PAOX: variants seen among roughly 807,000 people sequenced by gnomAD.
PAOX encodes polyamine oxidase.
In PAOX, 38 loss-of-function variants were observed where a neutral mutation model predicts 39.0. The observed-to-expected ratio is 0.97, with a 90% CI of 0.75 to 1.28. The LOEUF is 1.28. PAOX is among the 50% of genes most tolerant of loss of function. The probability of loss-of-function intolerance (pLI) is 0.00; values close to 1 mark genes in which losing one functional copy is unlikely to be tolerated. For missense variants in PAOX, 667 were observed against 685.7 expected, an observed-to-expected ratio of 0.97 and a Z score of 0.30; for synonymous variants, 311 against 314.4, an observed-to-expected ratio of 0.99 and a Z score of 0.11.
At position 133,384,002 on chromosome 10, in the gene PAOX, T is replaced by C. The variant is rs779168094; in HGVS notation, c.911T>C (p.Leu304Pro). 6.2e-7 allele frequency: 1 copy of C among 1,614,212 alleles called. No homozygotes were observed. Among genetic ancestry groups the C allele is most frequent in the South Asian group, 1.1e-5 (1 of 91,088 alleles). Residue 304 changes from leucine to proline, a missense_variant, in exon 4 of 7, where the codon CTG becomes CCG. Coordinates refer to ENST00000278060, the MANE Select transcript of PAOX (RefSeq NM_152911.4). This position sits in a 1 kb window ranked among gnomAD's most constrained non-coding sequence, Gnocchi z 4.3. ...TTGGACACCTTCTTTGACCCTCCCC[T>C]GCCGGCTGAGAAGGCAGAAGCAATC... ...EHLDTFFDPP[L>P]PAEKAEAIRK... is the part of the protein sequence containing the mutation.
intron 4 of PAOX, among the ~76,000 whole-genome samples, chr10:133,385,298 A>G (rs1849500710): frequency 6.6e-6 from 1 of 151,864 alleles, no homozygotes; most frequent in Non-Finnish European, 1.5e-5. Flanking sequence ...CTCTGTCTAA[A>G]AAAAAAAAGA....
In PAOX at chr10:133,391,305, T is replaced by C; in HGVS notation, c.1393-7T>C. 1.2e-6 allele frequency: 2 copies of C among 1,613,382 alleles called. No homozygotes were observed. Among genetic ancestry groups the C allele is most frequent in the Non-Finnish European group, 1.7e-6 (2 of 1,179,858 alleles). On this transcript the variant is annotated splice_polypyrimidine_tract_variant and splice_region_variant and intron_variant, in intron 6 of 6. Coordinates refer to ENST00000278060, the MANE Select transcript of PAOX (RefSeq NM_152911.4). ...ATCCCCATTCTAACCCTGGCTCTTC[T>C]TTGCAGCTCCAGATCCTGTTTGCGG...
In PAOX at chr10:133,384,397, C is replaced by T. The variant is rs980733346; in HGVS notation, c.1121+185C>T. Among the ~76,000 whole-genome samples the T allele has an allele frequency of 2.0e-5, 3 of 152,152 alleles. No homozygotes were observed. Among genetic ancestry groups the T allele is most frequent in the East Asian group, 1.9e-4 (1 of 5,184 alleles). On this transcript the variant is annotated intron_variant, in intron 4 of 6. Transcript: ENST00000278060. This position sits in a 1 kb window ranked among gnomAD's most constrained non-coding sequence, Gnocchi z 4.3. ...GCCTGACCCCTGCGGGGACAGATGG[C>T]GCCCTGCTGTATGCGGGTTGTCAGC...
chr10:133,381,195 G>A (rs1017868332), intron 2 of PAOX, among the ~76,000 whole-genome samples: 5 of 152,222 alleles, frequency 3.3e-5, no homozygotes, highest in African/African-American at 1.2e-4. Flanking sequence ...GGAACTCTGT[G>A]GTGGTAAGGA....
rs908147018 is a variant in PAOX, at chr10:133,384,347, C to T, written c.1121+135C>T. 3 of 1,367,384 alleles carry T rather than the reference C, an allele frequency of 2.2e-6. No homozygotes were observed. Among genetic ancestry groups the T allele is most frequent in the African/African-American group, 1.5e-5 (1 of 68,746 alleles). The allele number at this position is 1,367,384 out of a possible 1,614,324, so 84.7% of individuals were successfully genotyped here. ...TGGGTAGGGTTCCCATGAGCGCCCCCCCACCAGGTGCTGGCTGCACCTGGG... is the reference window on the plus strand; with the variant it reads ...TGGGTAGGGTTCCCATGAGCGCCCCTCCACCAGGTGCTGGCTGCACCTGGG... On this transcript the variant is annotated intron_variant, in intron 4 of 6. Coordinates refer to ENST00000278060, the MANE Select transcript of PAOX (RefSeq NM_152911.4). This position sits in a 1 kb window ranked among gnomAD's most constrained non-coding sequence, Gnocchi z 4.3.
At chr10:133,381,769 G>C in intron 3 of PAOX, 110 bp downstream of exon 3, 1 of 1,059,820 alleles carries the variant, frequency 9.4e-7, no homozygotes, top group Non-Finnish European at 1.4e-6. Context: ...TCACATTTTC[G>C]TTCTAGTAAG....
chr10:133,387,279 A>T (rs1849553359), intron 4 of PAOX, among the ~76,000 whole-genome samples: 1 of 152,260 alleles, frequency 6.6e-6, no homozygotes, highest in African/African-American at 2.4e-5. Flanking sequence ...GCCATGTCTT[A>T]AAAAAATAAA....
chr10:133,381,605 T>C lies in PAOX; in HGVS notation c.814T>C (p.Cys272Arg), dbSNP rs778928169. The stretch of plus-strand genomic sequence containing the variant: ...GGAGACCTTTCCAGTGTCGGTAGAG[T>C]GTGAGGATGGAGACCGGTTCCCGGC... ...PGETFPVSVE[C>R]EDGDRFPAHH... Residue 272 changes from cysteine (C) to arginine (R), a missense_variant, in exon 3 of 7, where the codon TGT becomes CGT. Transcript: ENST00000278060. 22 of 1,613,142 alleles carry C rather than the reference T, an allele frequency of 1.4e-5. No homozygotes were observed. Among genetic ancestry groups the C allele is most frequent in the East Asian group, 2.2e-5 (1 of 44,856 alleles).
intron 4 of PAOX, among the ~76,000 whole-genome samples, chr10:133,386,002 T>C (rs1208733808): frequency 6.7e-6 from 1 of 148,910 alleles, no homozygotes; most frequent in Non-Finnish European, 1.5e-5. Flanking sequence ...GCAGCAGTTT[T>C]GTCTTTTCTG....
chr10:133,386,925 A>T (rs1849545176), intron 4 of PAOX, among the ~76,000 whole-genome samples: 1 of 152,204 alleles, frequency 6.6e-6, no homozygotes, highest in Non-Finnish European at 1.5e-5. Context: ...GTGACACTGA[A>T]ATCTATTTGT....
rs1329676403 is a variant in PAOX at position 133,384,692 on chromosome 10, C to T, written c.1121+480C>T. 5.9e-5 allele frequency among the ~76,000 whole-genome samples: 9 copies of T among 152,234 alleles called. No individual in the cohort carries two copies. Among genetic ancestry groups the T allele is most frequent in the African/African-American group, 9.6e-5 (4 of 41,468 alleles). ...TCTTAGAAACAGCATATCTAGACCA[C>T]GTGGCGATTCAGGAGTTAATCCCAT... On this transcript the variant is annotated intron_variant, in intron 4 of 6. Coordinates refer to ENST00000278060, the MANE Select transcript of PAOX (RefSeq NM_152911.4). The surrounding 1 kb of genome is among the most constrained non-coding windows in gnomAD (Gnocchi z 4.3).
intron 6 of PAOX, chr10:133,390,987 T>C: frequency 1.4e-6 from 1 of 699,802 alleles, no homozygotes; most frequent in Non-Finnish European, 2.6e-6. Flanking sequence ...TTCCCACCCG[T>C]TGGTGGATGC....
chr10:133,386,348 T>A (rs965199256), intron 4 of PAOX, among the ~76,000 whole-genome samples: 1 of 151,984 alleles, frequency 6.6e-6, no homozygotes, highest in African/African-American at 2.4e-5. Context: ...TCTTCAGTGT[T>A]ACACTTAATA....
At position 133,389,734 on chromosome 10, in the gene PAOX, G is replaced by A. The variant is rs1849624739; in HGVS notation, c.1379G>A (p.Gly460Asp). ...DLLAQPLPAD[G>D]AGAQLQILFA... ...CTGGCTCAGCCCCTCCCTGCAGACG[G>A]CGCCGGCGCCCAGGTATGTGGCGTG... The change falls in exon 6 of 7, where the codon GGC (glycine) becomes GAC (aspartate). Residue 460 changes from glycine to aspartate, a missense_variant. Transcript: ENST00000278060. 1 of 1,548,194 alleles carries A rather than the reference G, an allele frequency of 6.5e-7. No homozygotes were observed. Among genetic ancestry groups the A allele is most frequent in the Admixed American group, 1.9e-5 (1 of 51,698 alleles).
chr10:133,385,157 G>A (rs1466590386), intron 4 of PAOX, among the ~76,000 whole-genome samples: 2 of 152,170 alleles, frequency 1.3e-5, no homozygotes, highest in Non-Finnish European at 2.9e-5. Flanking sequence ...ATTAGCCGGT[G>A]TGGTGGCACG....
In PAOX at chr10:133,383,942, T is replaced by TC; in HGVS notation, c.869-16dup. ...AGGGCTTTATGTGATGTAAGAAGAG[T>TC]CCAATTCTGAATTCCAGGTTTTCTT... On this transcript the variant is annotated splice_polypyrimidine_tract_variant and intron_variant, in intron 3 of 6. Transcript: ENST00000278060. 6.2e-7 allele frequency: 1 copy of TC among 1,606,796 alleles called. No individual in the cohort carries two copies. The highest frequency in any genetic ancestry group is 8.5e-7 in the Non-Finnish European group (1 of 1,176,074).
intron 1 of PAOX, chr10:133,379,790 G>A: frequency 1.6e-6 from 1 of 643,910 alleles, no homozygotes; most frequent in Non-Finnish European, 2.4e-6. Context: ...CCTCCCTCTG[G>A]TCCACACCGC....
Position 133,379,391 on chromosome 10 carries a change from G to A in PAOX, c.75G>A (p.Gly25=), listed in dbSNP as rs1043475301. ...TGGTGGTGGGCGGCGGCATCGCGGG[G>A]CTGGGCGCGGCGCAGAGGCTCTGCG... ...RVLVVGGGIA[G]LGAAQRLCGH... is the part of the protein sequence containing the mutation. Residue 25 remains glycine, a synonymous_variant, in exon 1 of 7, where the codon GGG becomes GGA. Transcript: ENST00000278060. The A allele has an allele frequency of 3.3e-6, 4 of 1,221,678 alleles. No homozygotes were observed. In the African/African-American group the frequency reaches 6.3e-5, roughly 19 times the overall value. The allele number at this position is 1,221,678 out of a possible 1,614,324, so 75.7% of individuals were successfully genotyped here.
In PAOX at chr10:133,379,462, G is replaced by C; in HGVS notation, c.146G>C (p.Arg49Pro). ...CTGCGGGTCCTGGAGGCCACGGCCC[G>C]CGCCGGGGGCCGCATCCGCTCGGAG... ...PHLRVLEATA[R>P]AGGRIRSERC... Residue 49 changes from arginine (R) to proline (P), a missense_variant, in exon 1 of 7, where the codon CGC becomes CCC. By Grantham distance (103) the Arg-to-Pro change is moderately radical. Transcript: ENST00000278060. 1 of 1,225,476 alleles carries C rather than the reference G, an allele frequency of 8.2e-7. No individual in the cohort carries two copies. Among genetic ancestry groups the C allele is most frequent in the Non-Finnish European group, 1.0e-6 (1 of 984,078 alleles). 75.9% of individuals were successfully genotyped at this position (1,225,476 alleles called of 1,614,324 possible). A position where few individuals can be genotyped will look rare whatever the true frequency, so the allele number is the denominator to read the frequency against.
Sources: gnomAD v4.1 joint callset for allele counts (sites outside exome capture counted in the v4.1 genomes callset) on GRCh38, gnomAD v4.1.1 for gene constraint, Gnocchi (gnomAD v3.1) non-coding constraint, MANE v1.5 for transcripts, NCBI Gene and HGNC (gene_info 2026-07-23, HGNC 2026-07-21) for gene names.